RYR2: variants seen among roughly 807,000 people sequenced by gnomAD.
The protein encoded by RYR2 is cardiac muscle ryanodine receptor-calcium release channel.
A neutral mutation model predicts 601.1 loss-of-function variants in RYR2; 227 were observed. That is an observed-to-expected ratio of 0.38 (90% CI 0.34 to 0.42). The LOEUF is 0.42. Among genes scored for constraint, RYR2 ranks in the 10% least tolerant of loss-of-function variants. The pLI is 1.00. For missense variants in RYR2, 4,646 were observed against 6,156.5 expected (o/e 0.75, Z 8.21); for synonymous variants, 2,223 against 2,175.1 (o/e 1.02, Z -0.61).
chr1:237,525,988 AAT>A (rs1667550409), intron 24 of RYR2, among the ~76,000 whole-genome samples: 1 of 135,180 alleles, frequency 7.4e-6, no homozygotes, highest in African/African-American at 2.7e-5. Flanking sequence ...AAAAAAAAAA[AAT>A]AATAATAATA....
chr1:237,341,679 A>G (rs1463144049), intron 3 of RYR2: 1 of 514,424 alleles, frequency 1.9e-6, no homozygotes, highest in Non-Finnish European at 3.9e-6. Context: ...GAGGGACTGC[A>G]AGATGGAATT....
rs892681643 is a variant in RYR2, at chr1:237,640,917, A to G, written c.7136A>G (p.Asp2379Gly). 6.2e-7 allele frequency: 1 copy of G among 1,613,436 alleles called. No individual in the cohort carries two copies. The highest frequency in any genetic ancestry group is 8.5e-7 in the Non-Finnish European group (1 of 1,179,680). Residue 2379 changes from aspartate to glycine, a missense_variant, in exon 47 of 105, where the codon GAT (aspartate) becomes GGT (glycine). By Grantham distance (94) the Asp-to-Gly change is moderately conservative. This residue lies in a region of RYR2 where 1,497 missense variants were observed against 1,842.6 expected (regional missense o/e 0.81). Coordinates refer to ENST00000366574, the MANE Select transcript of RYR2 (RefSeq NM_001035.3). The stretch of plus-strand genomic sequence containing the variant: ...GAAAGTGACACAGAGGAGGAGGAAG[A>G]TGACACTATCCACATGGGGAACGCG... Reference protein sequence around the residue: ...SKTLDTEEEEDDTIHMGNAIM... With the variant: ...SKTLDTEEEEGDTIHMGNAIM...
chr1:237,367,414 G>A (rs1481328065), intron 5 of RYR2, among the ~76,000 whole-genome samples: 1 of 152,052 alleles, frequency 6.6e-6, no homozygotes, highest in African/African-American at 2.4e-5. Flanking sequence ...TGGTTTTTCA[G>A]CAGTTTTTCT....
intron 84 of RYR2, 53 bp downstream of exon 84, chr1:237,761,081 C>T (rs776705505): frequency 2.0e-4 from 201 of 1,018,704 alleles, no homozygotes; most frequent in Non-Finnish European, 2.7e-4. Flanking sequence ...CTCCCTGAAA[C>T]GAGTCAATTA....
intron 1 of RYR2, among the ~76,000 whole-genome samples, chr1:237,204,719 A>G (rs1681602563): frequency 6.6e-6 from 1 of 152,082 alleles, no homozygotes; most frequent in Admixed American, 6.5e-5. Flanking sequence ...ACTCTTATGT[A>G]CAGATCTGAA....
chr1:237,458,752 G>T (rs947515589), intron 16 of RYR2, among the ~76,000 whole-genome samples: 1 of 145,258 alleles, frequency 6.9e-6, no homozygotes, highest in African/African-American at 2.5e-5. Flanking sequence ...AAAAAAAAAA[G>T]AAAAAAGAAT....
chr1:237,560,528 T>G (rs2127148), intron 27 of RYR2, among the ~76,000 whole-genome samples: 139,929 of 152,268 alleles, frequency 0.92, 65,176 homozygotes, highest in Non-Finnish European at 0.99. Context: ...TGATTGAGGG[T>G]CCTTTGGTTT....
intron 1 of RYR2, among the ~76,000 whole-genome samples, chr1:237,097,153 A>G (rs1032563737): frequency 3.9e-5 from 6 of 152,176 alleles, no homozygotes; most frequent in African/African-American, 1.2e-4. Context: ...AAATATTCCA[A>G]TGCAGTACAG....
intron 1 of RYR2, among the ~76,000 whole-genome samples, chr1:237,237,559 T>A (rs1558475934): frequency 6.6e-6 from 1 of 152,180 alleles, no homozygotes; most frequent in Admixed American, 6.5e-5. Context: ...CAAAACACAC[T>A]GTAGCAATAA....
chr1:237,587,715 G>T (rs534747844), intron 29 of RYR2, among the ~76,000 whole-genome samples: 15 of 152,128 alleles, frequency 9.9e-5, no homozygotes, highest in Non-Finnish European at 2.1e-4. Context: ...ATAAATATTT[G>T]TGCATATTAC....
At chr1:237,795,820 A>G (rs58572908) in intron 96 of RYR2, among the ~76,000 whole-genome samples, 5,519 of 110,964 alleles carry the variant, frequency 0.05, 120 homozygotes, top group African/African-American at 0.079. Context: ...ATATACAGGT[A>G]TGTATGTGTG....
chr1:237,209,063 A>G (rs1360502597), intron 1 of RYR2, among the ~76,000 whole-genome samples: 2 of 133,186 alleles, frequency 1.5e-5, no homozygotes, highest in Non-Finnish European at 3.2e-5. Flanking sequence ...ATATGTATGT[A>G]ACACTTATAT....
chr1:237,141,058 T>C (rs1339141695), intron 1 of RYR2, among the ~76,000 whole-genome samples: 2 of 152,244 alleles, frequency 1.3e-5, no homozygotes, highest in Admixed American at 1.3e-4. Flanking sequence ...CACAATCTTG[T>C]ACATGTCTTC....
chr1:237,223,976 A>C (rs1042804055), intron 1 of RYR2, among the ~76,000 whole-genome samples: 3 of 152,210 alleles, frequency 2.0e-5, no homozygotes, highest in African/African-American at 7.2e-5. Context: ...CATTATTCTT[A>C]GGGTTCTACT....
intron 44 of RYR2, 145 bp from the exon 45 acceptor site, chr1:237,638,212 G>A (rs1681076560): frequency 1.1e-6 from 1 of 900,292 alleles, no homozygotes; most frequent in Admixed American, 3.1e-5. Flanking sequence ...GGGAGTTCAA[G>A]TAGATTATCA....
chr1:237,709,663 G>C (rs1401285883), intron 70 of RYR2, 96 bp downstream of exon 70: 2 of 671,938 alleles, frequency 3.0e-6, no homozygotes, highest in Non-Finnish European at 5.0e-6. Flanking sequence ...AGAGAGAATA[G>C]GTTCCCCTGA....
chr1:237,183,904 G>A (rs1354356539), intron 1 of RYR2, among the ~76,000 whole-genome samples: 1 of 152,168 alleles, frequency 6.6e-6, no homozygotes, highest in Non-Finnish European at 1.5e-5. Context: ...GAGCTGACAA[G>A]CAAAGAAATT....
At chr1:237,540,715 T>TAAAAA (rs61711260) in intron 25 of RYR2, among the ~76,000 whole-genome samples, 66 of 130,404 alleles carry the variant, frequency 5.1e-4, no homozygotes, top group African/African-American at 1.8e-3. Flanking sequence ...TTCAAAATAT[T>TAAAAA]AAAAAAAAAA....
At chr1:237,574,792 C>T (rs1673059045) in intron 29 of RYR2, among the ~76,000 whole-genome samples, 1 of 152,096 alleles carries the variant, frequency 6.6e-6, no homozygotes, top group Non-Finnish European at 1.5e-5. Flanking sequence ...CATCAATAAC[C>T]AGGGAGCTTG....
Sources: gnomAD v4.1 joint callset for allele counts (sites outside exome capture counted in the v4.1 genomes callset) on GRCh38, gnomAD v4.1.1 for gene constraint, gnomAD v4.1.1 regional missense constraint, MANE v1.5 for transcripts, NCBI Gene and HGNC (gene_info 2026-07-23, HGNC 2026-07-21) for gene names.